Variants in FGF12 observed in about 807,000 individuals in gnomAD.
FGF12 encodes the protein fibroblast growth factor 12B.
In FGF12, 14 loss-of-function variants were observed where a neutral mutation model predicts 23.6. The observed-to-expected ratio is 0.59, with a 90% CI of 0.39 to 0.93. The LOEUF (loss-of-function observed/expected upper bound fraction) is 0.93, where lower values mean the gene tolerates loss of function less well. Ranked by LOEUF, FGF12 falls within the 40% of genes least tolerant of loss-of-function variation. FGF12 has a pLI of 0.00. For synonymous variants in FGF12, 62 were observed against 77.3 expected (o/e 0.80, Z 1.04); for missense variants, 175 against 217.8 (o/e 0.80, Z 1.24).
intron 2 of FGF12, among the ~76,000 whole-genome samples, chr3:192,465,769 G>A (rs1722993345): frequency 6.6e-6 from 1 of 152,124 alleles, no homozygotes; most frequent in African/African-American, 2.4e-5. Flanking sequence ...AGCTTCCTGG[G>A]AAGAAACATT....
intron 2 of FGF12, among the ~76,000 whole-genome samples, chr3:192,543,041 C>T (rs1265162382): frequency 6.6e-6 from 1 of 152,118 alleles, no homozygotes; most frequent in Non-Finnish European, 1.5e-5. Context: ...CCCTAGGGCT[C>T]TACAATCATC....
chr3:192,714,540 A>G (rs1718799761), intron 2 of FGF12, among the ~76,000 whole-genome samples: 1 of 92,528 alleles, frequency 1.1e-5, no homozygotes, highest in Admixed American at 1.5e-4. Flanking sequence ...TTTTTTTGAG[A>G]CGGAATCTCG....
intron 4 of FGF12, among the ~76,000 whole-genome samples, chr3:192,267,768 T>C (rs1713172028): frequency 6.6e-6 from 1 of 152,176 alleles, no homozygotes; most frequent in South Asian, 2.1e-4. Context: ...ATTCATGGAC[T>C]CCCAATGTTA....
chr3:192,313,681 T>C (rs572067528), intron 4 of FGF12, among the ~76,000 whole-genome samples: 1 of 152,306 alleles, frequency 6.6e-6, no homozygotes, highest in African/African-American at 2.4e-5. Flanking sequence ...CCAGTAGAGG[T>C]TCATAAACCT....
intron 2 of FGF12, among the ~76,000 whole-genome samples, chr3:192,533,445 T>A (rs541834175): frequency 1.2e-4 from 19 of 152,318 alleles, no homozygotes; most frequent in Non-Finnish European, 2.2e-4. Flanking sequence ...ACATTGATAT[T>A]TCTGCAGTAA....
At chr3:192,149,442 C>T (rs1450438188) in intron 5 of FGF12, among the ~76,000 whole-genome samples, 1 of 132,444 alleles carries the variant, frequency 7.6e-6, no homozygotes, top group Non-Finnish European at 1.6e-5. Flanking sequence ...TTAGGTATAT[C>T]TCCCAATGCT....
chr3:192,162,255 T>C (rs977578193), intron 5 of FGF12, among the ~76,000 whole-genome samples: 4 of 152,116 alleles, frequency 2.6e-5, no homozygotes, highest in African/African-American at 7.2e-5. Flanking sequence ...TGGGATCCTT[T>C]TGGAACTCTG....
chr3:192,157,008 C>A (rs565133916), intron 5 of FGF12, among the ~76,000 whole-genome samples: 12 of 152,154 alleles, frequency 7.9e-5, no homozygotes, highest in Non-Finnish European at 1.8e-4. Flanking sequence ...AGATTTAACC[C>A]AGCTTTCTGA....
At chr3:192,565,424 G>A (rs1460116922) in intron 2 of FGF12, among the ~76,000 whole-genome samples, 11 of 152,170 alleles carry the variant, frequency 7.2e-5, no homozygotes, top group East Asian at 1.9e-4. Context: ...TACACATGGC[G>A]TAACAATGTT....
rs866667178 is a variant in FGF12 at position 192,154,345 on chromosome 3, C to T, written c.428-10218G>A. 1.1e-4 allele frequency among the ~76,000 whole-genome samples: 13 copies of T among 122,074 alleles called. 1 individual carries two copies. Among genetic ancestry groups the T allele is most frequent in the East Asian group, 2.2e-4 (1 of 4,534 alleles). The allele number at this position is 122,074 out of a possible 152,430, so 80.1% of individuals were successfully genotyped here. A position where few individuals can be genotyped will look rare whatever the true frequency, so the allele number is the denominator to read the frequency against. The stretch of plus-strand genomic sequence containing the variant: ...AGTCATTCTCCATCCAGCTTTGTTC[C>T]GTTGCTGGTGAGGAACTGCGTTCCT... On this transcript the variant is annotated intron_variant, in intron 5 of 5. Coordinates refer to ENST00000445105, the MANE Select transcript of FGF12 (RefSeq NM_004113.6).
intron 2 of FGF12, among the ~76,000 whole-genome samples, chr3:192,427,387 A>AGG (rs1721722554): frequency 6.6e-6 from 1 of 152,034 alleles, no homozygotes; most frequent in Non-Finnish European, 1.5e-5. Flanking sequence ...TCTGAAAAAA[A>AGG]AAAAAAAAGA....
chr3:192,607,462 CT>C (rs1047847275), intron 2 of FGF12, among the ~76,000 whole-genome samples: 1 of 152,118 alleles, frequency 6.6e-6, no homozygotes, highest in African/African-American at 2.4e-5. Flanking sequence ...CTGCTTTCCA[CT>C]AGAGCTTCTG....
At position 192,360,703 on chromosome 3, in the gene FGF12, T is replaced by C; in HGVS notation, c.14-165A>G. 1 of 607,870 alleles carries C rather than the reference T, an allele frequency of 1.6e-6. No individual in the cohort carries two copies. Among genetic ancestry groups the C allele is most frequent in the East Asian group, 2.8e-5 (1 of 36,266 alleles). 37.7% of individuals were successfully genotyped at this position (607,870 alleles called of 1,614,324 possible). On this transcript the variant is annotated intron_variant, in intron 2 of 5. Coordinates refer to ENST00000445105, the MANE Select transcript of FGF12 (RefSeq NM_004113.6). This position sits in a 1 kb window ranked among gnomAD's most constrained non-coding sequence, Gnocchi z 4.3. ...TCAGTAACATATCTATGCTTTTTTT[T>C]TTCCATTTAGAGGTAGAGCTTTAAC...
intron 4 of FGF12, among the ~76,000 whole-genome samples, chr3:192,334,388 T>A (rs1577362871): frequency 6.6e-6 from 1 of 152,084 alleles, no homozygotes. Context: ...AGCAGACATA[T>A]GGAAACTTCC....
chr3:192,207,093 G>A (rs1278987291), intron 4 of FGF12, among the ~76,000 whole-genome samples: 1 of 152,108 alleles, frequency 6.6e-6, no homozygotes, highest in Non-Finnish European at 1.5e-5. Flanking sequence ...CAAAGCTATA[G>A]GCTTTATTGG....
intron 2 of FGF12, among the ~76,000 whole-genome samples, chr3:192,722,168 G>A (rs969210417): frequency 1.3e-5 from 2 of 152,162 alleles, no homozygotes; most frequent in African/African-American, 4.8e-5. Flanking sequence ...ACCCAAAGAG[G>A]AAAAGATTTG....
At chr3:192,156,002 C>A (rs1221536157) in intron 5 of FGF12, among the ~76,000 whole-genome samples, 1 of 152,216 alleles carries the variant, frequency 6.6e-6, no homozygotes, top group Non-Finnish European at 1.5e-5. Flanking sequence ...TGTTATAATG[C>A]GCAATATTAT....
chr3:192,147,991 G>GA (rs1713819338), intron 5 of FGF12, among the ~76,000 whole-genome samples: 1 of 146,970 alleles, frequency 6.8e-6, no homozygotes, highest in Non-Finnish European at 1.5e-5. Flanking sequence ...TGGAGAAATT[G>GA]AAACCCTATT....
chr3:192,290,845 T>C (rs376928767), intron 4 of FGF12, among the ~76,000 whole-genome samples: 255 of 152,296 alleles, frequency 1.7e-3, no homozygotes, highest in African/African-American at 5.8e-3. Flanking sequence ...TATAGGAATC[T>C]TAGAATCAAT....
Sources: gnomAD v4.1 joint callset for allele counts (sites outside exome capture counted in the v4.1 genomes callset) on GRCh38, gnomAD v4.1.1 for gene constraint, Gnocchi (gnomAD v3.1) non-coding constraint, MANE v1.5 for transcripts, NCBI Gene and HGNC (gene_info 2026-07-23, HGNC 2026-07-21) for gene names.